SLC12A3: variants seen among roughly 807,000 people sequenced by gnomAD.
The protein encoded by SLC12A3 is solute carrier family 12 member 3.
In SLC12A3, 104 loss-of-function variants were observed where a neutral mutation model predicts 121.0. That is an observed-to-expected ratio of 0.86 (90% CI 0.73 to 1.01). The LOEUF is 1.01. Ranked by LOEUF, SLC12A3 falls within the 50% of genes least tolerant of loss-of-function variation. SLC12A3 has a pLI of 0.00. For missense variants in SLC12A3, 1,328 were observed against 1,356.3 expected (o/e 0.98, Z 0.33); for synonymous variants, 536 against 533.4 (o/e 1.00, Z -0.07).
intron 19 of SLC12A3, 88 bp from the exon 20 acceptor site, chr16:56,891,995 C>T: frequency 9.9e-7 from 1 of 1,011,992 alleles, no homozygotes; most frequent in Non-Finnish European, 1.6e-6. Flanking sequence ...GACTTTCTTC[C>T]TAGCATTAAG....
At chr16:56,902,260 T>C in intron 23 of SLC12A3, 113 bp from the exon 24 acceptor site, 1 of 1,371,784 alleles carries the variant, frequency 7.3e-7, no homozygotes, top group Non-Finnish European at 1.0e-6. Flanking sequence ...TCCGATGGGT[T>C]TCAGCCTGAA....
At position 56,892,283 on chromosome 16, in the gene SLC12A3, G is replaced by A. The variant is rs13306677; in HGVS notation, c.2419+150G>A. ...TGTGACGGTGGTGCCTGAGTAACTG[G>A]AGTTGGGAACTGGAGGGGCTTGGCC... is the stretch of plus-strand genomic sequence containing the variant. On this transcript the variant is annotated intron_variant, in intron 20 of 25. Coordinates refer to ENST00000563236, the MANE Select transcript of SLC12A3 (RefSeq NM_001126108.2). The A allele has an allele frequency of 0.089, 64,663 of 728,526 alleles. 3,181 individuals carry two copies. Among genetic ancestry groups the A allele is most frequent in the Middle Eastern group, 0.12 (408 of 3,326 alleles). 45.1% of individuals were successfully genotyped at this position (728,526 alleles called of 1,614,324 possible).
chr16:56,903,551 A>G (rs8062917), intron 24 of SLC12A3, among the ~76,000 whole-genome samples: 15,895 of 152,240 alleles, frequency 0.1, 2,103 homozygotes, highest in African/African-American at 0.31. Context: ...TACGATGTGC[A>G]GGACACTTCC....
chr16:56,899,681 G>T, intron 23 of SLC12A3, 65 bp downstream of exon 23: 1 of 1,193,314 alleles, frequency 8.4e-7, no homozygotes, highest in South Asian at 1.2e-5. Flanking sequence ...CCCTCTGCCG[G>T]CTGCCCCCTT....
intron 8 of SLC12A3, among the ~76,000 whole-genome samples, chr16:56,875,092 T>G (rs1054434275): frequency 2.6e-5 from 4 of 152,076 alleles, no homozygotes; most frequent in African/African-American, 9.7e-5. Flanking sequence ...GCTTTTTAGG[T>G]TACCAACCAG....
At chr16:56,905,062 G>A (rs756178229) in intron 25 of SLC12A3, among the ~76,000 whole-genome samples, 16 of 152,140 alleles carry the variant, frequency 1.1e-4, no homozygotes, top group African/African-American at 3.1e-4. Context: ...ATGATTGGCC[G>A]GGCACGGTGG....
Position 56,892,092 on chromosome 16 carries a change from T to TG in SLC12A3, c.2379dup (p.Phe794ValfsTer2), listed in dbSNP as rs767710222. Reference sequence around the variant, plus strand: ...GCCTCTTCTTTTGCAGTTAACCCCGTGTTTGACCCAGCGGAGGACGGGAAG... The same window carrying TG: ...GCCTCTTCTTTTGCAGTTAACCCCGTGGTTTGACCCAGCGGAGGACGGGAAG... On this transcript the variant is annotated frameshift_variant, in exon 20 of 26. Coordinates refer to ENST00000563236, the MANE Select transcript of SLC12A3 (RefSeq NM_001126108.2). LOFTEE classifies it high-confidence loss of function. 6.2e-7 allele frequency: 1 copy of TG among 1,613,374 alleles called. No individual in the cohort carries two copies. The highest frequency in any genetic ancestry group is 8.5e-7 in the Non-Finnish European group (1 of 1,179,426).
At chr16:56,893,577 A>G (rs186758987) in intron 21 of SLC12A3, among the ~76,000 whole-genome samples, 424 of 152,304 alleles carry the variant, frequency 2.8e-3, no homozygotes, top group Non-Finnish European at 4.7e-3. Flanking sequence ...AGGAGCTGTC[A>G]TGATTAACTC....
At position 56,894,748 on chromosome 16, in the gene SLC12A3, G is replaced by T. The variant is rs1280664893; in HGVS notation, c.2633+106G>T. On this transcript the variant is annotated intron_variant, in intron 22 of 25. Coordinates refer to ENST00000563236, the MANE Select transcript of SLC12A3 (RefSeq NM_001126108.2). Reference sequence around the variant, plus strand: ...GATCCTCTACCACCACCCCCAGGTGGGCACTGAGATTGTCCCAAAGCCCAG... The same window carrying T: ...GATCCTCTACCACCACCCCCAGGTGTGCACTGAGATTGTCCCAAAGCCCAG... The T allele has an allele frequency of 9.5e-6, 8 of 841,230 alleles. No individual in the cohort carries two copies. The African/African-American group carries it at 1.0e-4, about 11-fold the overall frequency. 52.1% of individuals were successfully genotyped at this position (841,230 alleles called of 1,614,324 possible).
At chr16:56,886,593 T>C (rs1035305443) in intron 16 of SLC12A3, 118 bp downstream of exon 16, 8 of 907,262 alleles carry the variant, frequency 8.8e-6, no homozygotes, top group Non-Finnish European at 1.2e-5. Context: ...GAGACCAGCC[T>C]GGCCAACACA....
intron 23 of SLC12A3, 99 bp downstream of exon 23, chr16:56,899,715 G>A (rs986054713): frequency 1.0e-5 from 9 of 868,388 alleles, no homozygotes; most frequent in African/African-American, 1.6e-5. Flanking sequence ...CTAGGAGCAA[G>A]GGTCTCTCCT....
In SLC12A3 at chr16:56,899,582, C is replaced by T; in HGVS notation, c.2686C>T (p.Leu896Phe). 6.2e-7 allele frequency: 1 copy of T among 1,614,152 alleles called. No homozygotes were observed. Among genetic ancestry groups the T allele is most frequent in the Non-Finnish European group, 8.5e-7 (1 of 1,179,960 alleles). The change falls in exon 23 of 26, where the codon CTC (leucine) becomes TTC (phenylalanine). Residue 896 changes from leucine (L) to phenylalanine (F), a missense_variant. Physicochemically the swap from Leu to Phe is conservative, Grantham distance 22. Coordinates refer to ENST00000563236, the MANE Select transcript of SLC12A3 (RefSeq NM_001126108.2). ...ACTGGGATTCCATGAAGTCCACATCCTCCCTGACATCAACCAGAACCCTCG... is the reference window on the plus strand; with the variant it reads ...ACTGGGATTCCATGAAGTCCACATCTTCCCTGACATCAACCAGAACCCTCG... ...FRLGFHEVHI[L>F]PDINQNPRAE...
intron 25 of SLC12A3, among the ~76,000 whole-genome samples, chr16:56,909,179 C>A (rs2055649839): frequency 6.6e-6 from 1 of 152,088 alleles, no homozygotes; most frequent in African/African-American, 2.4e-5. Flanking sequence ...TGAGTCTCAG[C>A]TGGGCATAGT....
At chr16:56,892,435 GAC>G (rs1264633357) in intron 20 of SLC12A3, among the ~76,000 whole-genome samples, 1 of 152,138 alleles carries the variant, frequency 6.6e-6, no homozygotes, top group Non-Finnish European at 1.5e-5. Flanking sequence ...CAGCCTGGGT[GAC>G]AGAGTGAGAC....
At position 56,865,504 on chromosome 16, in the gene SLC12A3, A is replaced by C. The variant is rs1596883438; in HGVS notation, c.269A>C (p.His90Pro). The change falls in exon 1 of 26, where the codon CAC becomes CCC. Residue 90 changes from histidine to proline, a missense_variant. Coordinates refer to ENST00000563236, the MANE Select transcript of SLC12A3 (RefSeq NM_001126108.2). ...RKVRPTLADL[H>P]SFLKQEGRHL... ...GTCCGGCCCACACTGGCTGACCTGC[A>C]CTCCTTCCTCAAGGTAAGTGCTGTC... 1 of 1,612,368 alleles carries C rather than the reference A, an allele frequency of 6.2e-7. No homozygotes were observed. Among genetic ancestry groups the C allele is most frequent in the Non-Finnish European group, 8.5e-7 (1 of 1,179,968 alleles).
At chr16:56,893,586 T>C (rs1054955970) in intron 21 of SLC12A3, among the ~76,000 whole-genome samples, 1 of 152,152 alleles carries the variant, frequency 6.6e-6, no homozygotes, top group Non-Finnish European at 1.5e-5. Context: ...CATGATTAAC[T>C]CCGCTTTATA....
rs1248817913 is a variant in SLC12A3 at position 56,884,199 on chromosome 16, A to T, written c.1820A>T (p.Lys607Met). The T allele has an allele frequency of 1.2e-6, 2 of 1,613,938 alleles. No individual in the cohort carries two copies. Among genetic ancestry groups the T allele is most frequent in the Non-Finnish European group, 1.7e-6 (2 of 1,179,966 alleles). ...LFLLLYVIYK[K>M]PEVNWGSSVQ... ...CTCCTGCTCTATGTCATCTACAAGA[A>T]GCCAGGTGCGCATCTCAGCTGCGGG... The change falls in exon 14 of 26, where the codon AAG (lysine) becomes ATG (methionine). Residue 607 changes from lysine (K) to methionine (M), a missense_variant. By Grantham distance (95) the Lys-to-Met change is moderately conservative. Coordinates refer to ENST00000563236, the MANE Select transcript of SLC12A3 (RefSeq NM_001126108.2).
chr16:56,892,643 C>T (rs1256748824), intron 20 of SLC12A3, among the ~76,000 whole-genome samples: 1 of 152,006 alleles, frequency 6.6e-6, no homozygotes, highest in Admixed American at 6.6e-5. Context: ...GAAGTGCAGG[C>T]GGGAGGGCTG....
chr16:56,885,228 C>T (rs1479070629), intron 14 of SLC12A3, 37 bp from the exon 15 acceptor site: 6 of 1,239,058 alleles, frequency 4.8e-6, no homozygotes, highest in Non-Finnish European at 5.8e-6. Context: ...TGATTCCTAA[C>T]TCTGCTCTCA....
Sources: gnomAD v4.1 joint callset for allele counts (sites outside exome capture counted in the v4.1 genomes callset) on GRCh38, gnomAD v4.1.1 for gene constraint, MANE v1.5 for transcripts, NCBI Gene and HGNC (gene_info 2026-07-23, HGNC 2026-07-21) for gene names.